The following SLC6A6 variants were observed in gnomAD, a reference collection of about 807,000 sequenced individuals.
SLC6A6 encodes sodium- and chloride-dependent taurine transporter.
Under a neutral mutation model 68.8 loss-of-function variants are expected in SLC6A6, and 16 were observed. That is an observed-to-expected ratio of 0.23 (90% CI 0.16 to 0.35). The LOEUF is 0.35. Ranked by LOEUF, SLC6A6 falls within the 10% of genes least tolerant of loss-of-function variation. The probability of loss-of-function intolerance (pLI) is 1.00; values close to 1 mark genes in which losing one functional copy is unlikely to be tolerated. For missense variants in SLC6A6, 474 were observed against 802.8 expected (o/e 0.59, Z 4.95); for synonymous variants, 312 against 315.4 (o/e 0.99, Z 0.12).
chr3:14,431,481 C>G (rs1004978479), intron 2 of SLC6A6, among the ~76,000 whole-genome samples: 8 of 152,184 alleles, frequency 5.3e-5, no homozygotes, highest in African/African-American at 1.9e-4. Flanking sequence ...CCCATCGAGG[C>G]TGTGAGGGGT....
At chr3:14,410,020 T>C (rs1200899204) in intron 1 of SLC6A6, among the ~76,000 whole-genome samples, 1 of 152,072 alleles carries the variant, frequency 6.6e-6, no homozygotes, top group African/African-American at 2.4e-5. Flanking sequence ...ACCCCATTTC[T>C]ACTAAAAATA....
intron 6 of SLC6A6, among the ~76,000 whole-genome samples, chr3:14,459,883 CTTTTT>C (rs869191764): frequency 2.5e-5 from 1 of 40,178 alleles, no homozygotes; most frequent in South Asian, 8.9e-4. Context: ...TAATTCTCTT[CTTTTT>C]TTTTTTTTTT....
chr3:14,412,921 C>A (rs1423809280), intron 1 of SLC6A6, among the ~76,000 whole-genome samples: 1 of 152,198 alleles, frequency 6.6e-6, no homozygotes, highest in Non-Finnish European at 1.5e-5. Context: ...GGGAGCCTGC[C>A]GGCATTCGTG....
intron 6 of SLC6A6, among the ~76,000 whole-genome samples, chr3:14,462,840 G>A (rs1700527257): frequency 6.6e-6 from 1 of 152,218 alleles, no homozygotes; most frequent in South Asian, 2.1e-4. Context: ...TGTACACACG[G>A]TGGAGGAAGG....
chr3:14,441,603 G>A (rs938943201), intron 2 of SLC6A6, among the ~76,000 whole-genome samples: 1 of 152,224 alleles, frequency 6.6e-6, no homozygotes, highest in Non-Finnish European at 1.5e-5. Flanking sequence ...GGAGGTGTGG[G>A]GGAAACGGGG....
At chr3:14,432,038 C>T (rs779436236) in intron 2 of SLC6A6, among the ~76,000 whole-genome samples, 6 of 152,114 alleles carry the variant, frequency 3.9e-5, no homozygotes, top group Admixed American at 2.6e-4. Flanking sequence ...CTGTGGCATC[C>T]GGCAGAGCCA....
chr3:14,477,187 C>T lies in SLC6A6; in HGVS notation c.1210-18C>T. 6.2e-7 allele frequency: 1 copy of T among 1,605,380 alleles called. No individual in the cohort carries two copies. The highest frequency in any genetic ancestry group is 8.5e-7 in the Non-Finnish European group (1 of 1,173,808). ...TGAGCGTCAGCCGCTCACCAGCTCT[C>T]TCTCTTCCCCTCCTCAGTTTGTTGA... On this transcript the variant is annotated intron_variant, in intron 10 of 14. Coordinates refer to ENST00000622186, the MANE Select transcript of SLC6A6 (RefSeq NM_003043.6). The surrounding 1 kb of genome is among the most constrained non-coding windows in gnomAD (Gnocchi z 4.2).
At chr3:14,448,121 C>CT in intron 5 of SLC6A6, 1 of 1,046,558 alleles carries the variant, frequency 9.6e-7, no homozygotes, top group Non-Finnish European at 1.2e-6. Flanking sequence ...CTTATGTTGT[C>CT]TAAAAATGAT....
At position 14,479,289 on chromosome 3, in the gene SLC6A6, T is replaced by G. The variant is rs1574968139; in HGVS notation, c.1551+104T>G. The G allele has an allele frequency of 6.4e-6, 5 of 783,656 alleles. No homozygotes were observed. In the East Asian group the frequency reaches 1.3e-4, roughly 20 times the overall value. The allele number at this position is 783,656 out of a possible 1,614,324, so 48.5% of individuals were successfully genotyped here. ...CATGCAGCATCTGTTCAGCGTGGGC[T>G]TATAATAAACCCAGCTTCAGCGCTG... On this transcript the variant is annotated intron_variant, in intron 13 of 14. Coordinates refer to ENST00000622186, the MANE Select transcript of SLC6A6 (RefSeq NM_003043.6).
intron 6 of SLC6A6, among the ~76,000 whole-genome samples, chr3:14,466,296 G>A (rs569691757): frequency 2.4e-4 from 35 of 148,614 alleles, no homozygotes; most frequent in Non-Finnish European, 4.5e-4. Flanking sequence ...AAAGAAATCT[G>A]TGAGGTAGGT....
intron 2 of SLC6A6, among the ~76,000 whole-genome samples, chr3:14,436,682 A>G (rs73030146): frequency 0.24 from 36,761 of 151,364 alleles, 4,686 homozygotes; most frequent in African/African-American, 0.32. Flanking sequence ...CCTAGCCCAG[A>G]ATCTATGGAG....
At chr3:14,473,812 G>A (rs528643987) in intron 10 of SLC6A6, among the ~76,000 whole-genome samples, 1 of 152,300 alleles carries the variant, frequency 6.6e-6, no homozygotes, top group Non-Finnish European at 1.5e-5. Context: ...ACTTCTTCCA[G>A]AGCTCTAAGT....
At position 14,485,159 on chromosome 3, in the gene SLC6A6, C is replaced by T. The variant is rs73817909; in HGVS notation, c.*152C>T. The T allele has an allele frequency of 4.5e-4, 210 of 463,788 alleles. No homozygotes were observed. Among genetic ancestry groups the T allele is most frequent in the East Asian group, 7.2e-4 (20 of 27,902 alleles). The allele number at this position is 463,788 out of a possible 1,614,324, so 28.7% of individuals were successfully genotyped here. ...ATGTAATTGTGGGTATGTGTGCGTG[C>T]GTGTGTGTGTGTGTGTGTATCGTGT... On this transcript the variant is annotated 3_prime_UTR_variant, in exon 15 of 15. Transcript: ENST00000622186.
chr3:14,449,813 G>T (rs1050535348), intron 5 of SLC6A6, among the ~76,000 whole-genome samples: 5 of 152,086 alleles, frequency 3.3e-5, no homozygotes, highest in Non-Finnish European at 7.4e-5. Flanking sequence ...GTGCAGTGGC[G>T]TGATCTCGGC....
At chr3:14,403,711 C>T (rs972781334) in intron 1 of SLC6A6, among the ~76,000 whole-genome samples, 1 of 152,240 alleles carries the variant, frequency 6.6e-6, no homozygotes, top group Admixed American at 6.5e-5. Context: ...ACTTCCCCCT[C>T]CAGACTATTT....
At chr3:14,478,620 C>A (rs1345657552) in intron 12 of SLC6A6, 52 bp downstream of exon 12, 1 of 1,125,428 alleles carries the variant, frequency 8.9e-7, no homozygotes, top group Non-Finnish European at 1.4e-6. Flanking sequence ...TTGGGCTTCT[C>A]TACTTAGAAG....
At chr3:14,454,721 A>G (rs991311421) in intron 5 of SLC6A6, among the ~76,000 whole-genome samples, 2 of 152,222 alleles carry the variant, frequency 1.3e-5, no homozygotes, top group Non-Finnish European at 2.9e-5. Flanking sequence ...GCACATTAAA[A>G]ACATTGAAAT....
At chr3:14,448,027 C>T in intron 5 of SLC6A6, 1 of 1,309,080 alleles carries the variant, frequency 7.6e-7, no homozygotes, top group Non-Finnish European at 1.0e-6. Context: ...TTAGGCAAGC[C>T]ACTCCTCCTT....
Position 14,457,317 on chromosome 3 carries a change from C to T in SLC6A6, c.600-633C>T, listed in dbSNP as rs149498372. Among the ~76,000 whole-genome samples, 13 of 152,284 alleles carry T rather than the reference C, an allele frequency of 8.5e-5. No individual in the cohort carries two copies. The South Asian group carries it at 1.0e-3, about 12-fold the overall frequency. On this transcript the variant is annotated intron_variant, in intron 5 of 14. Transcript: ENST00000622186. ...GAGGAAACCAGCATTGCTTAGGTGC[C>T]GGCTGTGTGCCTGAAACTTCCCTGG...
Sources: gnomAD v4.1 joint callset for allele counts (sites outside exome capture counted in the v4.1 genomes callset) on GRCh38, gnomAD v4.1.1 for gene constraint, Gnocchi (gnomAD v3.1) non-coding constraint, MANE v1.5 for transcripts, NCBI Gene and HGNC (gene_info 2026-07-23, HGNC 2026-07-21) for gene names.